Variants in TDP1 observed in about 807,000 individuals in gnomAD.
TDP1 encodes tyrosyl-DNA phosphodiesterase 1.
A neutral mutation model predicts 81.5 loss-of-function variants in TDP1; 64 were observed. The observed-to-expected ratio is 0.79, with a 90% CI of 0.64 to 0.97. The LOEUF (loss-of-function observed/expected upper bound fraction) is 0.97, where lower values mean the gene tolerates loss of function less well. Among genes scored for constraint, TDP1 ranks in the 50% least tolerant of loss-of-function variants. TDP1 has a pLI of 0.00. For synonymous variants in TDP1, 256 were observed against 264.3 expected (o/e 0.97, Z 0.30); for missense variants, 723 against 743.8 (o/e 0.97, Z 0.33).
intron 2 of TDP1, among the ~76,000 whole-genome samples, chr14:89,957,717 C>G (rs541811684): frequency 6.6e-6 from 1 of 152,318 alleles, no homozygotes; most frequent in East Asian, 1.9e-4. Context: ...TAACAGTGTC[C>G]TGAGCTAGCA....
chr14:89,977,343 G>C (rs1369405710), intron 7 of TDP1, among the ~76,000 whole-genome samples: 1 of 152,050 alleles, frequency 6.6e-6, no homozygotes, highest in African/African-American at 2.4e-5. Flanking sequence ...TGTTGCCCAG[G>C]CTGGAGTACA....
chr14:89,978,658 T>C (rs1415657906), intron 7 of TDP1, among the ~76,000 whole-genome samples: 1 of 152,262 alleles, frequency 6.6e-6, no homozygotes, highest in Non-Finnish European at 1.5e-5. Context: ...TTCTATTTGA[T>C]AGCATTCATT....
At chr14:89,967,134 C>G (rs945676061) in intron 4 of TDP1, 2 of 984,514 alleles carry the variant, frequency 2.0e-6, no homozygotes, top group Non-Finnish European at 2.4e-6. Flanking sequence ...GAGATAATTT[C>G]CTGGGAACCT....
At chr14:89,993,302 A>G (rs1896376812) in intron 13 of TDP1, 74 bp from the exon 14 acceptor site, 11 of 1,352,270 alleles carry the variant, frequency 8.1e-6, no homozygotes, top group Non-Finnish European at 1.1e-5. Flanking sequence ...CTTTGTTTTC[A>G]TGCAGTTTCC....
intron 15 of TDP1, among the ~76,000 whole-genome samples, chr14:90,021,952 A>G (rs894382141): frequency 2.6e-5 from 4 of 152,238 alleles, no homozygotes; most frequent in South Asian, 2.1e-4. Context: ...GGCCCCACTC[A>G]CTATACCTAT....
intron 14 of TDP1, among the ~76,000 whole-genome samples, chr14:90,012,951 G>T (rs113071294): frequency 6.6e-6 from 1 of 152,190 alleles, no homozygotes; most frequent in Non-Finnish European, 1.5e-5. Context: ...AGATCATTTC[G>T]GAGCTTTAAG....
At chr14:89,963,969 C>T (rs1892640125) in intron 3 of TDP1, among the ~76,000 whole-genome samples, 1 of 152,134 alleles carries the variant, frequency 6.6e-6, no homozygotes, top group African/African-American at 2.4e-5. Flanking sequence ...AGTTTATCAA[C>T]AAGGTAGCAA....
At chr14:90,022,271 C>T (rs777561924) in intron 15 of TDP1, among the ~76,000 whole-genome samples, 13 of 152,196 alleles carry the variant, frequency 8.5e-5, no homozygotes, top group Non-Finnish European at 1.5e-4. Flanking sequence ...AATTTGTGCC[C>T]ACAGAAGCCC....
At chr14:90,019,226 T>C in intron 14 of TDP1, 90 bp from the exon 15 acceptor site, 1 of 1,305,026 alleles carries the variant, frequency 7.7e-7, no homozygotes, top group South Asian at 1.2e-5. Context: ...GCTATATATT[T>C]TTTTGACCGG....
At chr14:89,993,317 A>G (rs1327672885) in intron 13 of TDP1, 59 bp from the exon 14 acceptor site, 15 of 1,435,622 alleles carry the variant, frequency 1.0e-5, no homozygotes, top group Non-Finnish European at 1.4e-5. Context: ...GTTTCCTAAT[A>G]TTAGGATTAT....
chr14:90,042,822 A>G lies in TDP1; in HGVS notation c.1754-248A>G, dbSNP rs974847806. ...ATATGTGGGAATTATGAGAGCTGCA[A>G]TTCAAAATGAGATTTGGATGGGGAC... On this transcript the variant is annotated intron_variant, in intron 16 of 16. Transcript: ENST00000335725. 3.1e-6 allele frequency: 3 copies of G among 959,306 alleles called. No homozygotes were observed. The African/African-American group carries it at 5.3e-5, about 17-fold the overall frequency. 59.4% of individuals were successfully genotyped at this position (959,306 alleles called of 1,614,324 possible).
In TDP1 at chr14:90,033,791, C is replaced by T. The variant is rs979905173; in HGVS notation, c.1753+577C>T. 2.0e-5 allele frequency among the ~76,000 whole-genome samples: 3 copies of T among 152,266 alleles called. No homozygotes were observed. In the East Asian group the frequency reaches 5.8e-4, roughly 29 times the overall value. Reference sequence around the variant, plus strand: ...TTGTAACGTACATTTATGCCAGGCACGGTGGCCCACACCTGTAATCCCAGC... The same window carrying T: ...TTGTAACGTACATTTATGCCAGGCATGGTGGCCCACACCTGTAATCCCAGC... On this transcript the variant is annotated intron_variant, in intron 16 of 16. Transcript: ENST00000335725.
upstream of TDP1, chr14:89,954,968 A>T (rs1264523418): frequency 2.1e-6 from 1 of 480,466 alleles, no homozygotes; most frequent in Non-Finnish European, 3.7e-6. Context: ...CTGGAAATCC[A>T]AGCGCTTCTA....
intron 6 of TDP1, 110 bp downstream of exon 6, chr14:89,971,381 C>T: frequency 2.5e-6 from 2 of 791,688 alleles, no homozygotes; most frequent in African/African-American, 1.7e-5. Flanking sequence ...CAGCATCAGT[C>T]ATCAATAGAT....
rs1230492594 is a variant in TDP1, at chr14:90,043,808, C to G, written c.*665C>G. 26 of 152,538 alleles carry G rather than the reference C, an allele frequency of 1.7e-4. 1 individual carries two copies. Among genetic ancestry groups the G allele is most frequent in the Admixed American group, 1.7e-3 (26 of 15,320 alleles). 9.4% of individuals were successfully genotyped at this position (152,538 alleles called of 1,614,324 possible). The stretch of plus-strand genomic sequence containing the variant: ...ACATAGAATCTCTTGGTGCTGTCAG[C>G]TGTTGGGAATTGAAGATTGACTTTG... On this transcript the variant is annotated 3_prime_UTR_variant, in exon 17 of 17. Coordinates refer to ENST00000335725, the MANE Select transcript of TDP1 (RefSeq NM_018319.4).
chr14:89,991,847 A>G, intron 12 of TDP1, 70 bp from the exon 13 acceptor site: 1 of 1,460,624 alleles, frequency 6.8e-7, no homozygotes, highest in Admixed American at 1.8e-5. Context: ...TTTATTGTAG[A>G]TTTTCCTCTT....
At position 89,969,809 on chromosome 14, in the gene TDP1, T is replaced by C. The variant is rs565370787; in HGVS notation, c.660-1366T>C. 1.3e-4 allele frequency among the ~76,000 whole-genome samples: 20 copies of C among 152,140 alleles called. No homozygotes were observed. In the South Asian group the frequency reaches 3.9e-3, roughly 30 times the overall value. On this transcript the variant is annotated intron_variant, in intron 5 of 16. Coordinates refer to ENST00000335725, the MANE Select transcript of TDP1 (RefSeq NM_018319.4). The stretch of plus-strand genomic sequence containing the variant: ...TAAATGTGGAAGTGGGTCGGTTGTT[T>C]ATCTTTCTTGATTGCTTATATCCAA...
intron 14 of TDP1, among the ~76,000 whole-genome samples, chr14:90,008,207 G>T (rs937292119): frequency 3.9e-5 from 6 of 152,018 alleles, no homozygotes; most frequent in African/African-American, 1.5e-4. Flanking sequence ...CTTCCTTCTT[G>T]CAACTCTTAT....
At chr14:89,960,873 G>A (rs533881406) in intron 2 of TDP1, among the ~76,000 whole-genome samples, 3 of 152,234 alleles carry the variant, frequency 2.0e-5, no homozygotes, top group South Asian at 2.1e-4. Flanking sequence ...CCCCTGCCCC[G>A]CCCTGCTGTG....
Sources: gnomAD v4.1 joint callset for allele counts (sites outside exome capture counted in the v4.1 genomes callset) on GRCh38, gnomAD v4.1.1 for gene constraint, MANE v1.5 for transcripts, NCBI Gene and HGNC (gene_info 2026-07-23, HGNC 2026-07-21) for gene names.